Variants in TEC observed in about 807,000 individuals in gnomAD.
TEC encodes tec protein tyrosine kinase.
TEC carries 72 observed loss-of-function variants against 93.0 expected under a neutral mutation model. The observed-to-expected ratio is 0.77, with a 90% CI of 0.64 to 0.94. The LOEUF (loss-of-function observed/expected upper bound fraction) is 0.94. Ranked by LOEUF, TEC falls within the 40% of genes least tolerant of loss-of-function variation. TEC has a pLI of 0.00. For missense variants in TEC, 630 were observed against 757.9 expected (o/e 0.83, Z 1.98); for synonymous variants, 249 against 247.7 (o/e 1.01, Z -0.05).
intron 2 of TEC, among the ~76,000 whole-genome samples, chr4:48,222,221 G>C (rs925283294): frequency 2.8e-4 from 43 of 152,262 alleles, no homozygotes; most frequent in Non-Finnish European, 3.5e-4. Flanking sequence ...TATTAGCAAA[G>C]GCACGATGTG....
At chr4:48,198,325 T>A (rs76054089) in intron 2 of TEC, among the ~76,000 whole-genome samples, 1 of 152,124 alleles carries the variant, frequency 6.6e-6, no homozygotes, top group African/African-American at 2.4e-5. Flanking sequence ...AAGTTCCCCA[T>A]GTGAGGGAGT....
At chr4:48,172,204 A>T (rs746911359) in intron 3 of TEC, among the ~76,000 whole-genome samples, 1 of 152,214 alleles carries the variant, frequency 6.6e-6, no homozygotes, top group Admixed American at 6.5e-5. Flanking sequence ...TATTAATAAG[A>T]TAACCCTGGG....
chr4:48,154,931 T>A (rs1720331297), intron 9 of TEC, among the ~76,000 whole-genome samples: 1 of 152,194 alleles, frequency 6.6e-6, no homozygotes, highest in Non-Finnish European at 1.5e-5. Flanking sequence ...AGACAGGGAT[T>A]ATAATGATAA....
chr4:48,156,439 C>T (rs1720402955), intron 9 of TEC, among the ~76,000 whole-genome samples: 1 of 152,190 alleles, frequency 6.6e-6, no homozygotes, highest in East Asian at 1.9e-4. Context: ...GTGGGGATAA[C>T]TGTCCTGAGG....
At chr4:48,210,269 G>A (rs769922783) in intron 2 of TEC, among the ~76,000 whole-genome samples, 24 of 152,170 alleles carry the variant, frequency 1.6e-4, no homozygotes, top group Non-Finnish European at 2.9e-4. Flanking sequence ...GATCCCTTGA[G>A]GCCAGAAGTT....
At chr4:48,138,384 G>T (rs1036169118) in intron 17 of TEC, among the ~76,000 whole-genome samples, 2 of 152,156 alleles carry the variant, frequency 1.3e-5, no homozygotes, top group African/African-American at 4.8e-5. Context: ...ACTTATCCAG[G>T]CTTATTCCCC....
chr4:48,263,878 C>T (rs1161707779), intron 1 of TEC, among the ~76,000 whole-genome samples: 1 of 152,114 alleles, frequency 6.6e-6, no homozygotes, highest in African/African-American at 2.4e-5. Flanking sequence ...GGCTCAGCGG[C>T]CCAGCCTGAT....
intron 3 of TEC, among the ~76,000 whole-genome samples, chr4:48,174,918 A>G (rs1312965378): frequency 6.6e-6 from 1 of 152,172 alleles, no homozygotes; most frequent in Non-Finnish European, 1.5e-5. Context: ...CCTCACAACA[A>G]CCCCATGAAA....
chr4:48,212,110 A>AAAAAATATATATATATATATAT, intron 2 of TEC, among the ~76,000 whole-genome samples: 2 of 122,250 alleles, frequency 1.6e-5, no homozygotes, highest in African/African-American at 6.0e-5. Context: ...AAAAAAAAAA[A>AAAAAATATATATATATATATAT]ATATATATAT....
rs749446347 is a variant in TEC at position 48,167,962 on chromosome 4, G to A, written c.496-9C>T. On this transcript the variant is annotated splice_polypyrimidine_tract_variant and intron_variant, in intron 6 of 17. Coordinates refer to ENST00000381501, the MANE Select transcript of TEC (RefSeq NM_003215.3). ...GGTGGGGGAGGCCTTCGCTAGACAA[G>A]GAAGATAACATTTGAAAGTTTAGTC... 1 of 1,613,032 alleles carries A rather than the reference G, an allele frequency of 6.2e-7. No homozygotes were observed. The highest frequency in any genetic ancestry group is 1.7e-5 in the Admixed American group (1 of 59,928).
At chr4:48,206,341 AT>A (rs1174698486) in intron 2 of TEC, among the ~76,000 whole-genome samples, 3 of 152,198 alleles carry the variant, frequency 2.0e-5, no homozygotes, top group Non-Finnish European at 4.4e-5. Flanking sequence ...TGTTATGTGT[AT>A]TTTTCCACAA....
At chr4:48,232,602 A>G (rs1298993245) in intron 1 of TEC, among the ~76,000 whole-genome samples, 2 of 152,212 alleles carry the variant, frequency 1.3e-5, no homozygotes, top group Non-Finnish European at 2.9e-5. Context: ...AAGTTCAGAG[A>G]GATACAAATG....
At chr4:48,175,542 C>T (rs746516601) in intron 3 of TEC, among the ~76,000 whole-genome samples, 16 of 152,172 alleles carry the variant, frequency 1.1e-4, no homozygotes, top group Non-Finnish European at 2.4e-4. Flanking sequence ...GGCAGGAATG[C>T]GGAGTAGCTC....
chr4:48,144,973 AT>A, intron 14 of TEC, 105 bp downstream of exon 14: 2 of 959,530 alleles, frequency 2.1e-6, no homozygotes, highest in Non-Finnish European at 1.6e-6. Flanking sequence ...ATGGTGAAAG[AT>A]TGTTAAGAAC....
rs141394616 is a variant in TEC at position 48,167,918 on chromosome 4, T to A, written c.531A>T (p.Glu177Asp). 19 of 1,613,836 alleles carry A rather than the reference T, an allele frequency of 1.2e-5. No individual in the cohort carries two copies. The highest frequency in any genetic ancestry group is 1.6e-5 in the Non-Finnish European group (19 of 1,179,854). The change falls in exon 7 of 18, where the codon GAA becomes GAT. Residue 177 changes from glutamate to aspartate, a missense_variant. By Grantham distance (45) the Glu-to-Asp change is conservative. Around this residue, in one of 3 missense-constraint regions of TEC, gnomAD observed 335 missense variants for 351.5 expected, o/e 0.95. Coordinates refer to ENST00000381501, the MANE Select transcript of TEC (RefSeq NM_003215.3). ...CTACAACGATTTCTTCACTATTATC[T>A]TCTTCTTCTAGTGGAATTGGTGGGG... ...RPPPPIPLEE[E>D]DNSEEIVVAM...
intron 2 of TEC, among the ~76,000 whole-genome samples, chr4:48,201,487 C>T (rs1460331190): frequency 2.6e-5 from 4 of 152,062 alleles, no homozygotes; most frequent in Non-Finnish European, 4.4e-5. Flanking sequence ...ATGTGAGAGG[C>T]GGGCAGAGAA....
chr4:48,195,222 TAC>T (rs769889628), intron 2 of TEC, among the ~76,000 whole-genome samples: 18 of 152,200 alleles, frequency 1.2e-4, no homozygotes, highest in Non-Finnish European at 2.2e-4. Context: ...GGGTAATGGG[TAC>T]ACGGGGTTCA....
intron 2 of TEC, among the ~76,000 whole-genome samples, chr4:48,185,992 G>A (rs985796020): frequency 9.2e-5 from 14 of 152,134 alleles, no homozygotes; most frequent in Non-Finnish European, 1.3e-4. Flanking sequence ...GGAGTGCCTG[G>A]GATTGCAGGC....
intron 2 of TEC, among the ~76,000 whole-genome samples, chr4:48,209,626 T>G (rs927519032): frequency 1.3e-5 from 2 of 152,026 alleles, no homozygotes; most frequent in Admixed American, 1.3e-4. Flanking sequence ...AAAAATAGAT[T>G]TATAAAAAAT....
Sources: gnomAD v4.1 joint callset for allele counts (sites outside exome capture counted in the v4.1 genomes callset) on GRCh38, gnomAD v4.1.1 for gene constraint, gnomAD v4.1.1 regional missense constraint, MANE v1.5 for transcripts, NCBI Gene and HGNC (gene_info 2026-07-23, HGNC 2026-07-21) for gene names.